CDH18: variants seen among roughly 807,000 people sequenced by gnomAD.
The protein encoded by CDH18 is cadherin 18.
CDH18 carries 31 observed loss-of-function variants against 67.9 expected under a neutral mutation model. The observed-to-expected ratio is 0.46, with a 90% confidence interval of 0.34 to 0.62. The LOEUF is 0.62. Among genes scored for constraint, CDH18 ranks in the 20% least tolerant of loss-of-function variants. The probability of loss-of-function intolerance (pLI) is 0.01; values close to 1 mark genes in which losing one functional copy is unlikely to be tolerated. For synonymous variants in CDH18, 362 were observed against 347.2 expected, an observed-to-expected ratio of 1.04 and a Z score of -0.48; for missense variants, 890 against 975.5, an observed-to-expected ratio of 0.91 and a Z score of 1.17.
At chr5:19,600,002 C>A (rs1260156564) in intron 6 of CDH18, among the ~76,000 whole-genome samples, 1 of 152,032 alleles carries the variant, frequency 6.6e-6, no homozygotes, top group African/African-American at 2.4e-5. Context: ...AGCACTGGAG[C>A]ACCTATTTAG....
chr5:19,833,874 C>T (rs1781321301), intron 3 of CDH18, among the ~76,000 whole-genome samples: 1 of 151,068 alleles, frequency 6.6e-6, no homozygotes, highest in South Asian at 2.1e-4. Context: ...ATGAAGCTAA[C>T]TTGATTTGGG....
intron 2 of CDH18, among the ~76,000 whole-genome samples, chr5:20,030,543 A>G (rs2892442): frequency 0.85 from 129,165 of 152,100 alleles, 56,720 homozygotes; most frequent in Non-Finnish European, 0.96. Context: ...ATTATTGGCC[A>G]TGATACATTG....
At chr5:19,854,944 G>GTT (rs1347817229) in intron 2 of CDH18, among the ~76,000 whole-genome samples, 1 of 136,996 alleles carries the variant, frequency 7.3e-6, no homozygotes, top group Middle Eastern at 3.6e-3. Flanking sequence ...GTTCAGTTTT[G>GTT]TTTTTTTTTT....
chr5:20,105,330 A>G (rs1300680223), intron 2 of CDH18, among the ~76,000 whole-genome samples: 8 of 152,174 alleles, frequency 5.3e-5, no homozygotes, highest in Non-Finnish European at 7.3e-5. Flanking sequence ...GGAGTTATGT[A>G]CATAGAAACC....
At chr5:19,955,494 T>C (rs2150280946) in intron 2 of CDH18, among the ~76,000 whole-genome samples, 1 of 151,922 alleles carries the variant, frequency 6.6e-6, no homozygotes, top group South Asian at 2.1e-4. Context: ...GAATTTATTG[T>C]AGCATGTACT....
intron 2 of CDH18, among the ~76,000 whole-genome samples, chr5:20,140,608 T>C (rs1395167159): frequency 6.6e-6 from 1 of 152,172 alleles, no homozygotes; most frequent in East Asian, 1.9e-4. Flanking sequence ...AAATGTTACT[T>C]TGAGTACTCC....
rs577715043 is a variant in CDH18 at position 20,418,017 on chromosome 5, G to A, written c.-580+157445C>T. On this transcript the variant is annotated intron_variant, in intron 1 of 14. Coordinates refer to the CDH18 transcript ENST00000507958. ...GATTCACACTACAGAAATGAGGAAC[G>A]GGGAAGTTGAACATTTTCCACAGAT... 2.6e-5 allele frequency among the ~76,000 whole-genome samples: 4 copies of A among 152,150 alleles called. No homozygotes were observed. In the East Asian group the frequency reaches 7.7e-4, roughly 29 times the overall value.
At chr5:20,346,314 A>C (rs1220207621) in intron 1 of CDH18, among the ~76,000 whole-genome samples, 1 of 152,156 alleles carries the variant, frequency 6.6e-6, no homozygotes, top group Non-Finnish European at 1.5e-5. Context: ...GAGGTATTAA[A>C]ACTTATCAGA....
intron 7 of CDH18, among the ~76,000 whole-genome samples, chr5:19,584,793 CAA>C (rs61297842): frequency 8.0e-5 from 6 of 75,090 alleles, no homozygotes; most frequent in African/African-American, 3.2e-4. Flanking sequence ...ACTAAAAATA[CAA>C]AAAAAAAAAA....
At chr5:20,272,684 C>T (rs562535415) in intron 1 of CDH18, among the ~76,000 whole-genome samples, 1 of 152,006 alleles carries the variant, frequency 6.6e-6, no homozygotes, top group African/African-American at 2.4e-5. Context: ...TAACAAATAG[C>T]ACTAGCTCTG....
At chr5:20,367,390 G>A (rs1367831865) in intron 1 of CDH18, among the ~76,000 whole-genome samples, 2 of 152,120 alleles carry the variant, frequency 1.3e-5, no homozygotes, top group Admixed American at 6.5e-5. Flanking sequence ...AAACACTTTC[G>A]CTGGCTGGCC....
At chr5:20,051,803 T>C (rs1185811535) in intron 2 of CDH18, among the ~76,000 whole-genome samples, 2 of 152,158 alleles carry the variant, frequency 1.3e-5, no homozygotes, top group East Asian at 3.9e-4. Context: ...TAAAAATGTA[T>C]GAGTAACATC....
chr5:20,118,630 G>C (rs1748109546), intron 2 of CDH18, among the ~76,000 whole-genome samples: 1 of 152,018 alleles, frequency 6.6e-6, no homozygotes, highest in South Asian at 2.1e-4. Flanking sequence ...ATTAATTAAG[G>C]CATAGTTCAA....
intron 2 of CDH18, among the ~76,000 whole-genome samples, chr5:19,864,234 T>C (rs1785216459): frequency 1.3e-5 from 2 of 150,750 alleles, no homozygotes; most frequent in South Asian, 4.2e-4. Context: ...TGTAGGGACA[T>C]GGATGAAATT....
chr5:20,176,425 T>C (rs1737239721), intron 2 of CDH18, among the ~76,000 whole-genome samples: 1 of 152,200 alleles, frequency 6.6e-6, no homozygotes, highest in South Asian at 2.1e-4. Context: ...CTAATTATTT[T>C]TTCTTGATAC....
At chr5:19,899,924 G>C (rs1246367261) in intron 2 of CDH18, among the ~76,000 whole-genome samples, 1 of 151,934 alleles carries the variant, frequency 6.6e-6, no homozygotes, top group Non-Finnish European at 1.5e-5. Flanking sequence ...TGGCTTCCAG[G>C]GCCTGGAAGA....
At chr5:19,522,789 G>A (rs1747114065) in intron 9 of CDH18, among the ~76,000 whole-genome samples, 2 of 151,928 alleles carry the variant, frequency 1.3e-5, no homozygotes, top group African/African-American at 4.8e-5. Flanking sequence ...CAACTACTGG[G>A]GAGGCTGAGG....
chr5:19,804,947 T>G lies in CDH18; in HGVS notation c.228+33812A>C, dbSNP rs116283310. Among the ~76,000 whole-genome samples the G allele has an allele frequency of 8.1e-3, 943 of 117,062 alleles. 2 individuals carry two copies. Among genetic ancestry groups the G allele is most frequent in the Middle Eastern group, 0.017 (3 of 178 alleles). 76.8% of individuals were successfully genotyped at this position (117,062 alleles called of 152,430 possible). A position where few individuals can be genotyped will look rare whatever the true frequency, so the allele number is the denominator to read the frequency against. On this transcript the variant is annotated intron_variant, in intron 3 of 12. Coordinates refer to ENST00000382275, the MANE Select transcript of CDH18 (RefSeq NM_004934.5). ...TATGGAAAAAAATCATTATTATTATTATGATTTTTTTTTTTTGGACAGGGT... is the reference window on the plus strand; with the variant it reads ...TATGGAAAAAAATCATTATTATTATGATGATTTTTTTTTTTTGGACAGGGT...
chr5:20,573,464 T>A (rs1758921089), intron 1 of CDH18, among the ~76,000 whole-genome samples: 1 of 151,724 alleles, frequency 6.6e-6, no homozygotes. Context: ...ATTATAAAAT[T>A]CAAAGTAATT....
Sources: allele counts gnomAD v4.1 joint callset (sites outside exome capture counted in the v4.1 genomes callset), GRCh38; gene constraint gnomAD v4.1.1; transcripts MANE v1.5; gene names NCBI Gene and HGNC (gene_info 2026-07-23, HGNC 2026-07-21).